EPB41L3: variants seen among roughly 807,000 people sequenced by gnomAD.
EPB41L3 encodes the protein band 4.1-like protein 3.
Under a neutral mutation model 127.1 loss-of-function variants are expected in EPB41L3, and 57 were observed. That is an observed-to-expected ratio of 0.45 (90% CI 0.36 to 0.56). The LOEUF (loss-of-function observed/expected upper bound fraction) is 0.56, where lower values mean the gene tolerates loss of function less well. EPB41L3 is among the 20% of genes least tolerant of loss of function. EPB41L3 has a pLI of 0.00. For missense variants in EPB41L3, 1,273 were observed against 1,372.2 expected (o/e 0.93, Z 1.14); for synonymous variants, 572 against 549.5 (o/e 1.04, Z -0.57).
In EPB41L3 at chr18:5,397,398, C is replaced by T. The variant is rs778665141; in HGVS notation, c.2501G>A (p.Gly834Glu). The T allele has an allele frequency of 2.3e-5, 37 of 1,612,362 alleles. No individual in the cohort carries two copies. The highest frequency in any genetic ancestry group is 2.9e-5 in the Non-Finnish European group (34 of 1,179,146). ...GTGCACGGTGGGTTCCGTCTCTATT[C>T]CACTGGACTCCGTCTTGGTTTCCAT... ...QKMETKTESS[G>E]IETEPTVHHL... Residue 834 changes from glycine to glutamate, a missense_variant, in exon 18 of 23, where the codon GGA becomes GAA. Gly to Glu is a moderately conservative substitution (Grantham distance 98, BLOSUM62 -2). This residue lies in a region of EPB41L3 where 765 missense variants were observed against 782.9 expected (regional missense o/e 0.98). Coordinates refer to ENST00000341928, the MANE Select transcript of EPB41L3 (RefSeq NM_012307.5). This position sits in a 1 kb window ranked among gnomAD's most constrained non-coding sequence, Gnocchi z 4.1.
At chr18:5,441,072 A>C (rs1247652803) in intron 5 of EPB41L3, among the ~76,000 whole-genome samples, 1 of 152,182 alleles carries the variant, frequency 6.6e-6, no homozygotes, top group Non-Finnish European at 1.5e-5. Context: ...TTTTTAAAAA[A>C]ATAGAAACAG....
chr18:5,468,275 C>T (rs886826104), intron 3 of EPB41L3, among the ~76,000 whole-genome samples: 5 of 152,066 alleles, frequency 3.3e-5, no homozygotes, highest in African/African-American at 7.2e-5. Flanking sequence ...GACAGGAGGC[C>T]GGCAGGCTCC....
chr18:5,546,130 T>C (rs1239655460), upstream of EPB41L3, among the ~76,000 whole-genome samples: 2 of 152,218 alleles, frequency 1.3e-5, no homozygotes, highest in African/African-American at 4.8e-5. Flanking sequence ...AACTTTTTCT[T>C]ATGACTCATG....
intron 16 of EPB41L3, chr18:5,400,344 G>A: frequency 2.9e-6 from 1 of 348,288 alleles, no homozygotes; most frequent in Non-Finnish European, 5.6e-6. Context: ...GAGTGCCCTG[G>A]TTTACATTTT....
chr18:5,522,360 GTGA>G (rs2093029241), intron 1 of EPB41L3, among the ~76,000 whole-genome samples: 1 of 152,238 alleles, frequency 6.6e-6, no homozygotes, highest in East Asian at 1.9e-4. Context: ...CTGACCTCAA[GTGA>G]TCTGCCTGTC....
At chr18:5,407,245 G>T (rs999556053) in intron 15 of EPB41L3, 4 of 437,832 alleles carry the variant, frequency 9.1e-6, no homozygotes, top group African/African-American at 5.9e-5. Context: ...TATCCTGAGA[G>T]AATTAAAATA....
intron 3 of EPB41L3, among the ~76,000 whole-genome samples, chr18:5,445,671 C>A (rs547105319): frequency 2.0e-5 from 3 of 152,292 alleles, no homozygotes; most frequent in African/African-American, 7.2e-5. Flanking sequence ...GATCAGGAGT[C>A]CTCAGCCCCT....
intron 16 of EPB41L3, among the ~76,000 whole-genome samples, chr18:5,404,581 T>C (rs1261271962): frequency 6.6e-6 from 1 of 152,224 alleles, no homozygotes; most frequent in African/African-American, 2.4e-5. Flanking sequence ...CTTGGGCTTA[T>C]CAAATGTTAA....
Position 5,392,705 on chromosome 18 carries a change from A to G in EPB41L3, c.*780T>C, listed in dbSNP as rs1367507266. On this transcript the variant is annotated 3_prime_UTR_variant, in exon 23 of 23. Transcript: ENST00000341928. Reference sequence around the variant, plus strand: ...GCCCAGCAGTTTCTCCTGAAGTGAAATTTCATAATATTGTAAACTAACAAA... The same window carrying G: ...GCCCAGCAGTTTCTCCTGAAGTGAAGTTTCATAATATTGTAAACTAACAAA... The G allele has an allele frequency of 3.3e-5, 5 of 152,574 alleles. No individual in the cohort carries two copies. The highest frequency in any genetic ancestry group is 3.3e-4 in the Admixed American group (5 of 15,276). The allele number at this position is 152,574 out of a possible 1,614,324, so 9.5% of individuals were successfully genotyped here.
intron 1 of EPB41L3, among the ~76,000 whole-genome samples, chr18:5,620,714 T>C (rs927379652): frequency 1.3e-5 from 2 of 152,162 alleles, no homozygotes; most frequent in African/African-American, 4.8e-5. Flanking sequence ...AAGATCTATA[T>C]ATTTTTAGCT....
chr18:5,548,589 T>C (rs2093919014), upstream of EPB41L3, among the ~76,000 whole-genome samples: 2 of 152,240 alleles, frequency 1.3e-5, no homozygotes, highest in South Asian at 4.1e-4. Flanking sequence ...ATGTAAGTTT[T>C]ATTGTATTAA....
chr18:5,554,137 G>C (rs1238263377), intron 3 of EPB41L3, among the ~76,000 whole-genome samples: 1 of 152,196 alleles, frequency 6.6e-6, no homozygotes, highest in Non-Finnish European at 1.5e-5. Context: ...CTGTGACGGG[G>C]CTACCCCAGC....
At chr18:5,568,805 T>G (rs2094241696) in intron 3 of EPB41L3, among the ~76,000 whole-genome samples, 1 of 152,202 alleles carries the variant, frequency 6.6e-6, no homozygotes, top group African/African-American at 2.4e-5. Flanking sequence ...TATGTTTTGT[T>G]GTGTGCTAAT....
chr18:5,517,172 GATGA>G (rs1318782619), intron 1 of EPB41L3, among the ~76,000 whole-genome samples: 1 of 152,110 alleles, frequency 6.6e-6, no homozygotes, highest in Non-Finnish European at 1.5e-5. Context: ...TTTGTCAATG[GATGA>G]ATGAACAAAT....
At chr18:5,403,961 C>T (rs1005303930) in intron 16 of EPB41L3, among the ~76,000 whole-genome samples, 17 of 152,072 alleles carry the variant, frequency 1.1e-4, no homozygotes, top group African/African-American at 4.1e-4. Flanking sequence ...TTTTCACACA[C>T]AAAAATAACA....
chr18:5,508,452 G>A (rs2092337613), intron 1 of EPB41L3, among the ~76,000 whole-genome samples: 1 of 151,996 alleles, frequency 6.6e-6, no homozygotes, highest in Non-Finnish European at 1.5e-5. Flanking sequence ...TTATCACCAT[G>A]TATCTGCTTC....
chr18:5,462,797 C>A (rs2084259152), intron 3 of EPB41L3, among the ~76,000 whole-genome samples: 1 of 152,204 alleles, frequency 6.6e-6, no homozygotes, highest in Non-Finnish European at 1.5e-5. Flanking sequence ...ATGGCTCCCA[C>A]AAAGTCTACC....
chr18:5,508,159 AATT>A (rs1198716391), intron 1 of EPB41L3: 1 of 152,204 alleles, frequency 6.6e-6, no homozygotes, highest in Non-Finnish European at 1.5e-5. Flanking sequence ...ATAAAATAAT[AATT>A]ACCAGAGCAA....
chr18:5,594,995 T>C (rs1196812447), intron 3 of EPB41L3, among the ~76,000 whole-genome samples: 1 of 152,176 alleles, frequency 6.6e-6, no homozygotes, highest in Non-Finnish European at 1.5e-5. Context: ...ACAGAATTAA[T>C]CAATCCACAC....
Sources: allele counts gnomAD v4.1 joint callset (sites outside exome capture counted in the v4.1 genomes callset), GRCh38; gene constraint gnomAD v4.1.1; regional missense constraint gnomAD v4.1.1; non-coding constraint Gnocchi (gnomAD v3.1); transcripts MANE v1.5; gene names NCBI Gene and HGNC (gene_info 2026-07-23, HGNC 2026-07-21).